The following TEX36 variants were observed in gnomAD, a reference collection of about 807,000 sequenced individuals.
The protein encoded by TEX36 is testis expressed 36.
TEX36 carries 12 observed loss-of-function variants against 13.6 expected under a neutral mutation model. The observed-to-expected ratio is 0.88, with a 90% confidence interval of 0.56 to 1.43. TEX36 has a LOEUF of 1.43. TEX36 is among the 40% of genes most tolerant of loss of function. TEX36 has a pLI of 0.00. For missense variants in TEX36, 224 were observed against 228.3 expected, an observed-to-expected ratio of 0.98 and a Z score of 0.12; for synonymous variants, 93 against 83.0, an observed-to-expected ratio of 1.12 and a Z score of -0.65.
chr10:125,681,977 G>A (rs1401575723), intron 1 of TEX36, among the ~76,000 whole-genome samples: 3 of 152,186 alleles, frequency 2.0e-5, no homozygotes, highest in Non-Finnish European at 4.4e-5. Context: ...ATTTGCTGAA[G>A]TGTTTTCTGT....
intron 3 of TEX36, among the ~76,000 whole-genome samples, chr10:125,659,831 A>C (rs570294733): frequency 6.6e-6 from 1 of 152,328 alleles, no homozygotes; most frequent in East Asian, 1.9e-4. Flanking sequence ...GTGGGCCATT[A>C]ATAACACCTT....
chr10:125,614,378 A>T (rs1328829240), intron 3 of TEX36, among the ~76,000 whole-genome samples: 3 of 152,026 alleles, frequency 2.0e-5, no homozygotes, highest in African/African-American at 7.3e-5. Flanking sequence ...CTGAATGGTA[A>T]TGCGTAGGTT....
chr10:125,624,501 A>G (rs1468969608), intron 3 of TEX36, among the ~76,000 whole-genome samples: 1 of 152,110 alleles, frequency 6.6e-6, no homozygotes, highest in Non-Finnish European at 1.5e-5. Context: ...GTCCTGAGGA[A>G]GAGTTGCAAT....
downstream of TEX36, among the ~76,000 whole-genome samples, chr10:125,619,757 A>AT (rs1174499521): frequency 6.6e-6 from 1 of 151,758 alleles, no homozygotes; most frequent in Non-Finnish European, 1.5e-5. Context: ...GGGTTTCACC[A>AT]TATTGGCCAG....
At chr10:125,619,318 A>G (rs1846399313), downstream of TEX36, among the ~76,000 whole-genome samples, 1 of 152,028 alleles carries the variant, frequency 6.6e-6, no homozygotes, top group African/African-American at 2.4e-5. Context: ...ACCACCACCA[A>G]GTTCAGGGGA....
chr10:125,601,937 C>T (rs1054224206), intron 3 of TEX36, among the ~76,000 whole-genome samples: 10 of 152,176 alleles, frequency 6.6e-5, no homozygotes, highest in Admixed American at 5.2e-4. Flanking sequence ...GGGGTGTCTT[C>T]CTTGTCCCTG....
chr10:125,661,320 C>T (rs894436241), intron 2 of TEX36, among the ~76,000 whole-genome samples: 1 of 152,180 alleles, frequency 6.6e-6, no homozygotes, highest in African/African-American at 2.4e-5. Context: ...CCAGCTTCCC[C>T]AAAGTCATAA....
intron 1 of TEX36, among the ~76,000 whole-genome samples, chr10:125,668,143 T>C (rs553205804): frequency 9.9e-5 from 15 of 152,258 alleles, no homozygotes; most frequent in African/African-American, 3.4e-4. Flanking sequence ...TGTGTCTATC[T>C]CTGGTTTTGG....
chr10:125,598,457 A>G (rs930599203), intron 3 of TEX36, among the ~76,000 whole-genome samples: 1 of 152,012 alleles, frequency 6.6e-6, no homozygotes, highest in Admixed American at 6.6e-5. Context: ...CAGCCAGCTC[A>G]CTCTAATCTC....
chr10:125,682,862 C>T, intron 1 of TEX36, 77 bp downstream of exon 1: 1 of 1,468,592 alleles, frequency 6.8e-7, no homozygotes, highest in South Asian at 1.2e-5. Flanking sequence ...ATAGTAGAAG[C>T]AGGATTGGAA....
intron 3 of TEX36, among the ~76,000 whole-genome samples, chr10:125,587,566 C>A (rs889268777): frequency 3.0e-4 from 45 of 152,102 alleles, no homozygotes; most frequent in African/African-American, 1.0e-3. Flanking sequence ...GTTGGCAGAG[C>A]ACCTGAAGTC....
chr10:125,664,137 C>A (rs1847089735), intron 1 of TEX36, among the ~76,000 whole-genome samples: 1 of 152,060 alleles, frequency 6.6e-6, no homozygotes. Context: ...ACATTTCCTC[C>A]AGTTCCATTT....
At chr10:125,641,298 A>G (rs1320601165) in intron 3 of TEX36, among the ~76,000 whole-genome samples, 1 of 152,252 alleles carries the variant, frequency 6.6e-6, no homozygotes, top group African/African-American at 2.4e-5. Context: ...ATGGTCCTAA[A>G]TGCTAAAGCA....
intron 3 of TEX36, among the ~76,000 whole-genome samples, chr10:125,657,389 G>C (rs919684199): frequency 5.9e-5 from 9 of 152,208 alleles, no homozygotes; most frequent in African/African-American, 1.4e-4. Flanking sequence ...CCCAGAACCA[G>C]AGTAGGGAGA....
chr10:125,669,012 G>C (rs1458382877), intron 1 of TEX36, among the ~76,000 whole-genome samples: 1 of 152,098 alleles, frequency 6.6e-6, no homozygotes, highest in Non-Finnish European at 1.5e-5. Context: ...TACGAAAGTT[G>C]CCAGGTGCAG....
intron 3 of TEX36, among the ~76,000 whole-genome samples, chr10:125,594,459 C>T (rs1219834273): frequency 1.3e-5 from 2 of 152,154 alleles, no homozygotes; most frequent in Admixed American, 6.5e-5. Flanking sequence ...AACACAGCTT[C>T]AAGATAGTGG....
At chr10:125,610,786 G>C (rs1346202972) in intron 3 of TEX36, among the ~76,000 whole-genome samples, 1 of 152,068 alleles carries the variant, frequency 6.6e-6, no homozygotes, top group Non-Finnish European at 1.5e-5. Flanking sequence ...TCTTCTAAAA[G>C]TTTTTAGTTT....
At chr10:125,610,854 T>A (rs1363268452) in intron 3 of TEX36, among the ~76,000 whole-genome samples, 1 of 152,246 alleles carries the variant, frequency 6.6e-6, no homozygotes, top group Non-Finnish European at 1.5e-5. Context: ...TGTGCTATAA[T>A]GCTCTCATTT....
intron 1 of TEX36, among the ~76,000 whole-genome samples, chr10:125,664,809 C>G (rs536493869): frequency 1.3e-5 from 2 of 152,288 alleles, no homozygotes; most frequent in East Asian, 3.9e-4. Flanking sequence ...AATACAGTGG[C>G]TGTACTAATT....
Sources: allele counts gnomAD v4.1 joint callset (sites outside exome capture counted in the v4.1 genomes callset), GRCh38; gene constraint gnomAD v4.1.1; transcripts MANE v1.5; gene names NCBI Gene and HGNC (gene_info 2026-07-23, HGNC 2026-07-21).